NDUFS1: variants seen among roughly 807,000 people sequenced by gnomAD.
The protein encoded by NDUFS1 is NADH-ubiquinone oxidoreductase 75 kDa subunit, mitochondrial.
A neutral mutation model predicts 84.4 loss-of-function variants in NDUFS1; 61 were observed. The ratio of observed to expected loss-of-function variants is 0.72; its 90% CI spans 0.59 to 0.89. The LOEUF (loss-of-function observed/expected upper bound fraction) is 0.89, where lower values mean the gene tolerates loss of function less well. NDUFS1 is among the 40% of genes least tolerant of loss of function. The probability of loss-of-function intolerance (pLI) is 0.00; values close to 1 mark genes in which losing one functional copy is unlikely to be tolerated. For synonymous variants in NDUFS1, 275 were observed against 290.0 expected, an observed-to-expected ratio of 0.95 and a Z score of 0.53; for missense variants, 891 against 890.0, an observed-to-expected ratio of 1.00 and a Z score of -0.01.
rs1223060247 is a variant in NDUFS1 at position 206,122,914 on chromosome 2, T to C, written c.*1271A>G. 6.6e-6 allele frequency: 1 copy of C among 151,972 alleles called. No individual in the cohort carries two copies. Among genetic ancestry groups the C allele is most frequent in the Non-Finnish European group, 1.5e-5 (1 of 68,060 alleles). 9.4% of individuals were successfully genotyped at this position (151,972 alleles called of 1,614,324 possible). A position where few individuals can be genotyped will look rare whatever the true frequency, so the allele number is the denominator to read the frequency against. On this transcript the variant is annotated 3_prime_UTR_variant, in exon 19 of 19. Coordinates refer to ENST00000233190, the MANE Select transcript of NDUFS1 (RefSeq NM_005006.7). The stretch of plus-strand genomic sequence containing the variant: ...CACACCCAGCTAATTTTTGTATTTT[T>C]TGTAGAGATGGGGTTTCACCATGTT...
At chr2:206,131,583 C>A (rs1691512096) in intron 14 of NDUFS1, among the ~76,000 whole-genome samples, 1 of 152,062 alleles carries the variant, frequency 6.6e-6, no homozygotes, top group Non-Finnish European at 1.5e-5. Context: ...TGGCAGATCA[C>A]CTGAGGTCAG....
chr2:206,125,306 A>G (rs1691247470), intron 18 of NDUFS1, among the ~76,000 whole-genome samples: 1 of 152,118 alleles, frequency 6.6e-6, no homozygotes, highest in South Asian at 2.1e-4. Context: ...TACAAAAAAT[A>G]CAAAAATTAG....
chr2:206,145,178 AC>A (rs1287214244), intron 8 of NDUFS1, 152 bp from the exon 9 acceptor site: 4 of 724,470 alleles, frequency 5.5e-6, no homozygotes, highest in East Asian at 2.8e-5. Flanking sequence ...AAATAAAAGA[AC>A]CCCCCACCTT....
intron 13 of NDUFS1, among the ~76,000 whole-genome samples, chr2:206,134,614 C>T (rs1691640807): frequency 6.6e-6 from 1 of 151,348 alleles, no homozygotes; most frequent in African/African-American, 2.4e-5. Context: ...AGAAAGAAAA[C>T]ATGATTAAAT....
rs769054740 is a variant in NDUFS1 at position 206,132,964 on chromosome 2, C to T, written c.1534G>A (p.Val512Ile). The part of the protein sequence containing the change: ...MTSGVTGDWK[V>I]MNILHRIASQ... ...ACAAACCTATGAAGGATATTCATAACTTTCCAATCACCAGTAACACCACTA... is the reference window on the plus strand; with the variant it reads ...ACAAACCTATGAAGGATATTCATAATTTTCCAATCACCAGTAACACCACTA... The change falls in exon 14 of 19, where the codon GTT becomes ATT. Residue 512 changes from valine to isoleucine, a missense_variant. By Grantham distance (29) the Val-to-Ile change is conservative. Transcript: ENST00000233190. The T allele has an allele frequency of 1.1e-5, 18 of 1,613,840 alleles. No individual in the cohort carries two copies. Among genetic ancestry groups the T allele is most frequent in the Non-Finnish European group, 1.5e-5 (18 of 1,179,872 alleles).
At chr2:206,150,967 C>A (rs191434868) in intron 3 of NDUFS1, among the ~76,000 whole-genome samples, 42 of 152,132 alleles carry the variant, frequency 2.8e-4, no homozygotes, top group African/African-American at 9.4e-4. Context: ...GGGAAAAAAT[C>A]CCTCGGGTCT....
In NDUFS1 at chr2:206,118,166, C is replaced by T. The variant is rs375522200; in HGVS notation, c.*6019G>A. The stretch of plus-strand genomic sequence containing the variant: ...TTTCAGTAGTGAAAAACACAAAAAA[C>T]ACTTTAAGCAGAGGGTATTTGGTTT... On this transcript the variant is annotated 3_prime_UTR_variant, in exon 19 of 19. Transcript: ENST00000233190. The T allele has an allele frequency of 3.9e-4, 60 of 152,256 alleles. No individual in the cohort carries two copies. Among genetic ancestry groups the T allele is most frequent in the African/African-American group, 1.4e-3 (57 of 41,556 alleles). The allele number at this position is 152,256 out of a possible 1,614,324, so 9.4% of individuals were successfully genotyped here. A position where few individuals can be genotyped will look rare whatever the true frequency, so the allele number is the denominator to read the frequency against.
intron 1 of NDUFS1, among the ~76,000 whole-genome samples, chr2:206,156,565 AC>A (rs1687663487): frequency 6.6e-6 from 1 of 151,112 alleles, no homozygotes; most frequent in Non-Finnish European, 1.5e-5. Flanking sequence ...ACAGAATAAG[AC>A]CCTGTCTCAA....
intron 14 of NDUFS1, among the ~76,000 whole-genome samples, chr2:206,130,857 A>G (rs940154883): frequency 1.3e-4 from 20 of 152,236 alleles, no homozygotes; most frequent in Non-Finnish European, 1.2e-4. Context: ...ATAAAGTAAG[A>G]CATAAAACAT....
intron 12 of NDUFS1, among the ~76,000 whole-genome samples, chr2:206,140,758 C>T (rs890489505): frequency 1.3e-5 from 2 of 151,928 alleles, no homozygotes; most frequent in African/African-American, 2.4e-5. Flanking sequence ...GGACTACAAG[C>T]GTGAGCCACC....
rs1479597891 is a variant in NDUFS1 at position 206,122,621 on chromosome 2, C to T, written c.*1564G>A. ...TCCAGCCTTGGGTGACAGAGTAAGA[C>T]TCCATCTCAAAAAAAAAAAAAAAAC... On this transcript the variant is annotated 3_prime_UTR_variant, in exon 19 of 19. Coordinates refer to ENST00000233190, the MANE Select transcript of NDUFS1 (RefSeq NM_005006.7). The T allele has an allele frequency of 2.6e-5, 1 of 38,028 alleles. No homozygotes were observed. The highest frequency in any genetic ancestry group is 4.5e-5 in the Non-Finnish European group (1 of 22,334). 2.4% of individuals were successfully genotyped at this position (38,028 alleles called of 1,614,324 possible). A position where few individuals can be genotyped will look rare whatever the true frequency, so the allele number is the denominator to read the frequency against.
chr2:206,144,052 G>T lies in NDUFS1; in HGVS notation c.953C>A (p.Ser318Tyr), dbSNP rs572489872. 6.2e-7 allele frequency: 1 copy of T among 1,613,730 alleles called. No homozygotes were observed. The highest frequency in any genetic ancestry group is 8.5e-7 in the Non-Finnish European group (1 of 1,179,778). Residue 318 changes from serine to tyrosine, a missense_variant, in exon 10 of 19, where the codon TCT (serine) becomes TAT (tyrosine). Ser to Tyr is a moderately radical substitution (Grantham distance 144, BLOSUM62 -2). Transcript: ENST00000233190. ...RNEKGLLTYTSWEDALSRVAG... is the reference protein window; with the variant it reads ...RNEKGLLTYTYWEDALSRVAG... ...TACGCGAGAGAGCGCATCCTCCCAA[G>T]AAGTATAGGTTAAAAGCCCTTTTTC...
intron 18 of NDUFS1, among the ~76,000 whole-genome samples, chr2:206,124,731 C>T (rs1273531077): frequency 4.6e-5 from 7 of 151,684 alleles, no homozygotes; most frequent in Non-Finnish European, 8.8e-5. Context: ...CCCAGCTACT[C>T]GGGAGTCTGA....
intron 8 of NDUFS1, 61 bp from the exon 9 acceptor site, chr2:206,145,087 CTGGT>C (rs1478745990): frequency 1.1e-5 from 16 of 1,513,448 alleles, no homozygotes. Context: ...TTTCTGTTAC[CTGGT>C]TTACCAAAAA....
Position 206,123,413 on chromosome 2 carries a change from C to T in NDUFS1, c.*772G>A, listed in dbSNP as rs1192448034. 1.3e-5 allele frequency: 2 copies of T among 150,700 alleles called. No homozygotes were observed. The highest frequency in any genetic ancestry group is 6.6e-5 in the Admixed American group (1 of 15,128). The allele number at this position is 150,700 out of a possible 1,614,324, so 9.3% of individuals were successfully genotyped here. ...AAGAGAAAATAGAAAAATGTGTTCACCATTAAACTCAATACTAATTTTTAG... is the reference window on the plus strand; with the variant it reads ...AAGAGAAAATAGAAAAATGTGTTCATCATTAAACTCAATACTAATTTTTAG... On this transcript the variant is annotated 3_prime_UTR_variant, in exon 19 of 19. Coordinates refer to ENST00000233190, the MANE Select transcript of NDUFS1 (RefSeq NM_005006.7).
rs1478755137 is a variant in NDUFS1, at chr2:206,121,961, T to A, written c.*2224A>T. 1.3e-5 allele frequency: 2 copies of A among 152,156 alleles called. No homozygotes were observed. The highest frequency in any genetic ancestry group is 2.9e-5 in the Non-Finnish European group (2 of 68,034). The allele number at this position is 152,156 out of a possible 1,614,324, so 9.4% of individuals were successfully genotyped here. A position where few individuals can be genotyped will look rare whatever the true frequency, so the allele number is the denominator to read the frequency against. ...CTATGTCCCCTCAAGATGAGCACAG[T>A]GCTAAGAGGTAAGAGATGGGAAGTT... On this transcript the variant is annotated 3_prime_UTR_variant, in exon 19 of 19. Coordinates refer to ENST00000233190, the MANE Select transcript of NDUFS1 (RefSeq NM_005006.7).
At chr2:206,130,415 C>T (rs3770987) in intron 14 of NDUFS1, among the ~76,000 whole-genome samples, 173 bp from the exon 15 acceptor site, 2 of 151,586 alleles carry the variant, frequency 1.3e-5, no homozygotes, top group Admixed American at 6.6e-5. Context: ...AGCGCAGTGG[C>T]GTGATCTCGG....
rs541397730 is a variant in NDUFS1, at chr2:206,144,059, A to G, written c.946T>C (p.Tyr316His). Residue 316 changes from tyrosine (Y) to histidine (H), a missense_variant, in exon 10 of 19, where the codon TAT (tyrosine) becomes CAT (histidine). By Grantham distance (83) the Tyr-to-His change is moderately conservative. Coordinates refer to ENST00000233190, the MANE Select transcript of NDUFS1 (RefSeq NM_005006.7). ...GAGAGCGCATCCTCCCAAGAAGTATAGGTTAAAAGCCCTTTTTCATTTCTG... is the reference window on the plus strand; with the variant it reads ...GAGAGCGCATCCTCCCAAGAAGTATGGGTTAAAAGCCCTTTTTCATTTCTG... Reference protein sequence around the residue: ...MVRNEKGLLTYTSWEDALSRV... With the variant: ...MVRNEKGLLTHTSWEDALSRV... 6.8e-6 allele frequency: 11 copies of G among 1,614,052 alleles called. No individual in the cohort carries two copies. The South Asian group carries it at 1.1e-4, about 16-fold the overall frequency.
chr2:206,122,642 A>AAAAAAAAAAAAAAC lies in NDUFS1; in HGVS notation c.*1542_*1543insGTTTTTTTTTTTTT, dbSNP rs1409392850. On this transcript the variant is annotated 3_prime_UTR_variant, in exon 19 of 19. Transcript: ENST00000233190. The stretch of plus-strand genomic sequence containing the variant: ...AAGACTCCATCTCAAAAAAAAAAAA[A>AAAAAAAAAAAAAAC]AAACAAAGGGAAAAAGGGCATCCTA... The AAAAAAAAAAAAAAC allele has an allele frequency of 4.4e-4, 67 of 151,430 alleles. 1 individual carries two copies. Among genetic ancestry groups the AAAAAAAAAAAAAAC allele is most frequent in the African/African-American group, 1.6e-3 (65 of 41,018 alleles). The allele number at this position is 151,430 out of a possible 1,614,324, so 9.4% of individuals were successfully genotyped here.
Sources: allele counts gnomAD v4.1 joint callset (sites outside exome capture counted in the v4.1 genomes callset), GRCh38; gene constraint gnomAD v4.1.1; transcripts MANE v1.5; gene names NCBI Gene and HGNC (gene_info 2026-07-23, HGNC 2026-07-21).